The following AUTS2 variants were observed in gnomAD, a reference collection of about 807,000 sequenced individuals.
AUTS2 encodes activator of transcription and developmental regulator AUTS2.
In AUTS2, 17 loss-of-function variants were observed where a neutral mutation model predicts 112.4. The ratio of observed to expected loss-of-function variants is 0.15; its 90% CI spans 0.10 to 0.23. AUTS2 has a LOEUF of 0.23. AUTS2 is among the 10% of genes least tolerant of loss of function. The probability of loss-of-function intolerance (pLI) is 1.00; values close to 1 mark genes in which losing one functional copy is unlikely to be tolerated. For synonymous variants in AUTS2, 751 were observed against 702.7 expected, an observed-to-expected ratio of 1.07 and a Z score of -1.09; for missense variants, 1,510 against 1,701.6, an observed-to-expected ratio of 0.89 and a Z score of 1.98.
intron 2 of AUTS2, among the ~76,000 whole-genome samples, chr7:70,006,999 G>A (rs150457934): frequency 5.9e-5 from 9 of 152,194 alleles, no homozygotes; most frequent in African/African-American, 1.4e-4. Flanking sequence ...CTAGGTTTTC[G>A]CAAAGCAGAA....
intron 6 of AUTS2, among the ~76,000 whole-genome samples, chr7:70,740,662 A>G (rs117086737): frequency 0.092 from 14,025 of 152,042 alleles, 722 homozygotes; most frequent in East Asian, 0.24. Flanking sequence ...TGCTGTTTCA[A>G]TATTTATCGT....
At chr7:70,118,946 C>G (rs972850372) in intron 3 of AUTS2, 1 of 151,524 alleles carries the variant, frequency 6.6e-6, no homozygotes, top group African/African-American at 2.4e-5. Context: ...ACCTACCCCT[C>G]TTTGGACTCT....
chr7:70,691,173 A>T (rs899588701), intron 5 of AUTS2, among the ~76,000 whole-genome samples: 1 of 152,142 alleles, frequency 6.6e-6, no homozygotes, highest in Admixed American at 6.5e-5. Context: ...TTATTTCTGA[A>T]ATCATTAATC....
At chr7:70,384,764 G>A (rs149158997) in intron 4 of AUTS2, among the ~76,000 whole-genome samples, 15 of 152,314 alleles carry the variant, frequency 9.8e-5, no homozygotes, top group African/African-American at 1.4e-4. Context: ...TTTGTTTGGC[G>A]TTGGGTAGTG....
chr7:70,520,129 CTT>C (rs1368849832), intron 5 of AUTS2, among the ~76,000 whole-genome samples: 4 of 152,040 alleles, frequency 2.6e-5, no homozygotes, highest in Non-Finnish European at 5.9e-5. Context: ...CTCTTTATCT[CTT>C]TTTTTATGGT....
At chr7:70,119,917 G>T (rs896981264) in intron 3 of AUTS2, 1 of 152,084 alleles carries the variant, frequency 6.6e-6, no homozygotes, top group Non-Finnish European at 1.5e-5. Context: ...TTGAGTTCCA[G>T]AAAGAAAATA....
intron 4 of AUTS2, among the ~76,000 whole-genome samples, chr7:70,288,343 A>G (rs1162171255): frequency 2.0e-5 from 3 of 152,204 alleles, no homozygotes; most frequent in African/African-American, 4.8e-5. Flanking sequence ...CGGAGGTTGC[A>G]GTGAGCCCAG....
intron 5 of AUTS2, among the ~76,000 whole-genome samples, chr7:70,667,785 T>C (rs868200606): frequency 6.6e-5 from 10 of 152,230 alleles, no homozygotes; most frequent in Non-Finnish European, 1.3e-4. Context: ...CATTACCAAA[T>C]TTGTAAAATC....
chr7:69,983,386 A>G (rs1322461105), intron 2 of AUTS2, among the ~76,000 whole-genome samples: 1 of 151,556 alleles, frequency 6.6e-6, no homozygotes, highest in Non-Finnish European at 1.5e-5. Context: ...CAAACAATGT[A>G]TATATGTAGC....
At chr7:70,605,493 G>GTTCAT (rs1008559316) in intron 5 of AUTS2, among the ~76,000 whole-genome samples, 1 of 138,048 alleles carries the variant, frequency 7.2e-6, no homozygotes, top group Non-Finnish European at 1.5e-5. Flanking sequence ...ATAAGTAGCA[G>GTTCAT]TTCATTTGTT....
chr7:69,826,882 A>G (rs549409817), intron 1 of AUTS2, among the ~76,000 whole-genome samples: 1 of 152,116 alleles, frequency 6.6e-6, no homozygotes, highest in Non-Finnish European at 1.5e-5. Context: ...AGTGTCTAGT[A>G]TGTGTTCTAT....
At chr7:70,516,421 G>A (rs947179698) in intron 5 of AUTS2, among the ~76,000 whole-genome samples, 28 of 152,214 alleles carry the variant, frequency 1.8e-4, no homozygotes, top group Non-Finnish European at 3.2e-4. Context: ...AGTATGAAAT[G>A]ATTAAGATTT....
At chr7:70,066,859 A>G (rs1802521551) in intron 2 of AUTS2, among the ~76,000 whole-genome samples, 1 of 152,182 alleles carries the variant, frequency 6.6e-6, no homozygotes, top group Non-Finnish European at 1.5e-5. Context: ...TAATTTTAAG[A>G]ATCTTAAAGT....
intron 5 of AUTS2, among the ~76,000 whole-genome samples, chr7:70,588,695 C>G (rs982048255): frequency 6.6e-6 from 1 of 152,076 alleles, no homozygotes; most frequent in Non-Finnish European, 1.5e-5. Context: ...GGACTTGTAG[C>G]CGTTTTTAAA....
intron 4 of AUTS2, among the ~76,000 whole-genome samples, chr7:70,348,258 T>G (rs1791587270): frequency 6.6e-6 from 1 of 152,198 alleles, no homozygotes; most frequent in Non-Finnish European, 1.5e-5. Context: ...AACTTTATAG[T>G]ACCAGCTAGC....
At chr7:69,607,489 A>G (rs925757324) in intron 1 of AUTS2, among the ~76,000 whole-genome samples, 7 of 152,224 alleles carry the variant, frequency 4.6e-5, no homozygotes, top group African/African-American at 7.2e-5. Flanking sequence ...AACTGTGACA[A>G]TCTGCTTGAG....
chr7:70,734,725 T>G (rs1774696007), intron 6 of AUTS2, among the ~76,000 whole-genome samples: 1 of 152,174 alleles, frequency 6.6e-6, no homozygotes, highest in Non-Finnish European at 1.5e-5. Context: ...CTAGTTAATG[T>G]CAGCTGTTGT....
chr7:69,758,508 G>GT (rs1165093915), intron 1 of AUTS2, among the ~76,000 whole-genome samples: 1 of 152,138 alleles, frequency 6.6e-6, no homozygotes, highest in Admixed American at 6.5e-5. Context: ...TCGTCACTGT[G>GT]TTTCGTTCCC....
intron 2 of AUTS2, among the ~76,000 whole-genome samples, chr7:69,906,966 G>A (rs899247153): frequency 6.6e-6 from 1 of 152,034 alleles, no homozygotes; most frequent in Non-Finnish European, 1.5e-5. Flanking sequence ...AATTAGCTGG[G>A]CATGGTGACG....
Sources: allele counts gnomAD v4.1 joint callset (sites outside exome capture counted in the v4.1 genomes callset), GRCh38; gene constraint gnomAD v4.1.1; transcripts MANE v1.5; gene names NCBI Gene and HGNC (gene_info 2026-07-23, HGNC 2026-07-21).